Variants in FHIT observed in about 807,000 individuals in gnomAD.
FHIT encodes the protein bis(5'-adenosyl)-triphosphatase.
A neutral mutation model predicts 17.9 loss-of-function variants in FHIT; 19 were observed. The observed-to-expected ratio is 1.06, with a 90% CI of 0.74 to 1.56. The LOEUF (loss-of-function observed/expected upper bound fraction) is 1.56. FHIT is among the 40% of genes most tolerant of loss of function. The pLI, the probability that FHIT is intolerant of heterozygous loss-of-function variation, is 0.00. For missense variants in FHIT, 248 were observed against 189.2 expected, an observed-to-expected ratio of 1.31 and a Z score of -1.82; for synonymous variants, 81 against 69.7, an observed-to-expected ratio of 1.16 and a Z score of -0.81.
chr3:60,225,684 C>G (rs779867390), intron 5 of FHIT, among the ~76,000 whole-genome samples: 1 of 152,148 alleles, frequency 6.6e-6, no homozygotes, highest in Non-Finnish European at 1.5e-5. Flanking sequence ...ACCAGAGCAA[C>G]AGTAAATAAG....
chr3:60,600,697 A>G (rs181678534), intron 4 of FHIT, among the ~76,000 whole-genome samples: 195 of 152,298 alleles, frequency 1.3e-3, no homozygotes, highest in Non-Finnish European at 2.2e-3. Flanking sequence ...ACTACCCTAA[A>G]TATGAAAAGG....
At chr3:61,024,458 C>A (rs2032625955) in intron 3 of FHIT, among the ~76,000 whole-genome samples, 1 of 152,060 alleles carries the variant, frequency 6.6e-6, no homozygotes, top group South Asian at 2.1e-4. Context: ...TTTAAATTTC[C>A]TGCAAAGGCT....
chr3:60,889,419 G>A (rs541549815), intron 3 of FHIT, among the ~76,000 whole-genome samples: 6 of 152,270 alleles, frequency 3.9e-5, no homozygotes, highest in Middle Eastern at 3.4e-3. Flanking sequence ...ATTCGATGCC[G>A]TTTCTTTTGC....
intron 4 of FHIT, among the ~76,000 whole-genome samples, chr3:60,581,074 T>A (rs782532346): frequency 1.3e-5 from 2 of 152,090 alleles, no homozygotes; most frequent in Non-Finnish European, 2.9e-5. Flanking sequence ...CAAGGCAAAG[T>A]CCCTTGCAGC....
chr3:60,077,281 A>T (rs1394997054), intron 5 of FHIT: 1 of 152,080 alleles, frequency 6.6e-6, no homozygotes, highest in African/African-American at 2.4e-5. Context: ...GTGTATAAGT[A>T]CACATGCATA....
At chr3:60,315,204 G>GA (rs1357353572) in intron 5 of FHIT, among the ~76,000 whole-genome samples, 6 of 152,110 alleles carry the variant, frequency 3.9e-5, no homozygotes, top group Non-Finnish European at 7.4e-5. Flanking sequence ...TGCCCTGTGG[G>GA]AATCTCTCAC....
chr3:60,971,610 C>T (rs918699213), intron 3 of FHIT, among the ~76,000 whole-genome samples: 4 of 151,920 alleles, frequency 2.6e-5, no homozygotes, highest in Non-Finnish European at 5.9e-5. Flanking sequence ...TTTTTTCCCC[C>T]ATGGGTATTG....
chr3:59,816,684 C>A (rs1700611205), intron 8 of FHIT, among the ~76,000 whole-genome samples: 1 of 152,164 alleles, frequency 6.6e-6, no homozygotes, highest in African/African-American at 2.4e-5. Context: ...TGAGAGATTT[C>A]TATTCCCTAA....
intron 2 of FHIT, among the ~76,000 whole-genome samples, chr3:61,060,301 G>A (rs1192524839): frequency 1.3e-5 from 2 of 152,144 alleles, no homozygotes; most frequent in Non-Finnish European, 2.9e-5. Context: ...GGTGAAATTG[G>A]TTATATGTTG....
chr3:61,213,748 A>C (rs895718001), intron 1 of FHIT, among the ~76,000 whole-genome samples: 7 of 152,220 alleles, frequency 4.6e-5, no homozygotes, highest in African/African-American at 1.2e-4. Context: ...TTGACCACAT[A>C]GTTGGAAGTA....
chr3:61,157,649 T>G lies in FHIT; in HGVS notation c.-164+42968A>C, dbSNP rs1398866247. Reference sequence around the variant, plus strand: ...GTCAGAAGAAAGGGGTGTTTAGTCATTTGTAGGGTCACAGAATGGCTTTGT... The same window carrying G: ...GTCAGAAGAAAGGGGTGTTTAGTCAGTTGTAGGGTCACAGAATGGCTTTGT... On this transcript the variant is annotated intron_variant, in intron 2 of 9. Coordinates refer to ENST00000492590, the MANE Select transcript of FHIT (RefSeq NM_002012.4). Among the ~76,000 whole-genome samples, 4 of 152,176 alleles carry G rather than the reference T, an allele frequency of 2.6e-5. No homozygotes were observed. The East Asian group carries it at 5.8e-4, about 22-fold the overall frequency.
At chr3:59,882,367 AT>A (rs537336697) in intron 8 of FHIT, among the ~76,000 whole-genome samples, 95 of 152,318 alleles carry the variant, frequency 6.2e-4, no homozygotes, top group African/African-American at 2.2e-3. Flanking sequence ...AGGAAAAAAA[AT>A]ATTAACAATA....
chr3:60,548,221 T>G (rs1269690273), intron 4 of FHIT, among the ~76,000 whole-genome samples: 1 of 151,910 alleles, frequency 6.6e-6, no homozygotes, highest in Non-Finnish European at 1.5e-5. Flanking sequence ...AATATAAGAC[T>G]TCAGGGCCCT....
chr3:60,248,461 A>T (rs537260221), intron 5 of FHIT, among the ~76,000 whole-genome samples: 3 of 152,262 alleles, frequency 2.0e-5, no homozygotes, highest in African/African-American at 7.2e-5. Context: ...AAATGGAATG[A>T]TTCTTGGCTT....
intron 5 of FHIT, among the ~76,000 whole-genome samples, chr3:60,138,688 C>T (rs976847564): frequency 5.3e-5 from 8 of 151,944 alleles, no homozygotes; most frequent in Non-Finnish European, 1.0e-4. Context: ...TTGAGCTTTT[C>T]GAAGTACAGA....
At chr3:60,371,571 C>T (rs190706201) in intron 5 of FHIT, among the ~76,000 whole-genome samples, 171 of 152,220 alleles carry the variant, frequency 1.1e-3, no homozygotes, top group Middle Eastern at 3.4e-3. Flanking sequence ...TACTACAAGG[C>T]TCTTCTTTTT....
At chr3:59,785,344 C>G (rs535602913) in intron 8 of FHIT, among the ~76,000 whole-genome samples, 2 of 144,750 alleles carry the variant, frequency 1.4e-5, no homozygotes, top group African/African-American at 2.6e-5. Flanking sequence ...GTATCTCACT[C>G]TGTCTCCCAG....
chr3:60,410,053 A>G (rs1473716344), intron 5 of FHIT, among the ~76,000 whole-genome samples: 1 of 152,214 alleles, frequency 6.6e-6, no homozygotes, highest in Non-Finnish European at 1.5e-5. Flanking sequence ...AAGGAAACAG[A>G]AGCAAAATAC....
At chr3:59,999,896 C>G (rs1359891462) in intron 7 of FHIT, among the ~76,000 whole-genome samples, 1 of 152,164 alleles carries the variant, frequency 6.6e-6, no homozygotes, top group Non-Finnish European at 1.5e-5. Flanking sequence ...GTGTGAGCCA[C>G]TGTTCCTGGC....
Sources: gnomAD v4.1 joint callset for allele counts (sites outside exome capture counted in the v4.1 genomes callset) on GRCh38, gnomAD v4.1.1 for gene constraint, MANE v1.5 for transcripts, NCBI Gene and HGNC (gene_info 2026-07-23, HGNC 2026-07-21) for gene names.